RAB6A: variants seen among roughly 807,000 people sequenced by gnomAD.
RAB6A encodes the protein ras-related protein Rab-6A.
A neutral mutation model predicts 32.3 loss-of-function variants in RAB6A; 8 were observed. The observed-to-expected ratio is 0.25, with a 90% confidence interval of 0.15 to 0.45. The LOEUF (loss-of-function observed/expected upper bound fraction) is 0.45, where lower values mean the gene tolerates loss of function less well. Ranked by LOEUF, RAB6A falls within the 20% of genes least tolerant of loss-of-function variation. The pLI, the probability that RAB6A is intolerant of heterozygous loss-of-function variation, is 1.00. For synonymous variants in RAB6A, 73 were observed against 82.1 expected, an observed-to-expected ratio of 0.89 and a Z score of 0.60; for missense variants, 104 against 249.4, an observed-to-expected ratio of 0.42 and a Z score of 3.93.
At position 73,703,378 on chromosome 11, in the gene RAB6A, A is replaced by G. The variant is rs115891970; in HGVS notation, c.495+4042T>C. Among the ~76,000 whole-genome samples the G allele has an allele frequency of 5.3e-3, 813 of 152,330 alleles. 7 individuals are homozygous for G. The highest frequency in any genetic ancestry group is 0.018 in the African/African-American group (741 of 41,570). On this transcript the variant is annotated intron_variant, in intron 6 of 7. Transcript: ENST00000336083. ...AGAATCTGCTAAAAAAAAATAAAGTATATTATCATTCATTCAATGAACATT... is the reference window on the plus strand; with the variant it reads ...AGAATCTGCTAAAAAAAAATAAAGTGTATTATCATTCATTCAATGAACATT...
chr11:73,722,491 G>GC (rs1424507536), intron 2 of RAB6A: 2 of 150,398 alleles, frequency 1.3e-5, no homozygotes, highest in African/African-American at 4.9e-5. Context: ...ATGCCACCAT[G>GC]CCCCACTAAT....
At chr11:73,723,687 G>A (rs1470734989) in intron 2 of RAB6A, among the ~76,000 whole-genome samples, 3 of 151,942 alleles carry the variant, frequency 2.0e-5, no homozygotes, top group Non-Finnish European at 4.4e-5. Flanking sequence ...AGAATCCTGT[G>A]GTAAAAGAAT....
At chr11:73,726,752 A>T in intron 2 of RAB6A, among the ~76,000 whole-genome samples, 1 of 151,214 alleles carries the variant, frequency 6.6e-6, no homozygotes, top group South Asian at 2.1e-4. Flanking sequence ...CCTGTCTTAA[A>T]AAAAAAAAAA....
chr11:73,754,480 T>C (rs936301468), intron 1 of RAB6A, among the ~76,000 whole-genome samples: 9 of 152,228 alleles, frequency 5.9e-5, no homozygotes, highest in African/African-American at 2.2e-4. Flanking sequence ...ATGTGTAATA[T>C]TACAGGATTG....
intron 1 of RAB6A, among the ~76,000 whole-genome samples, chr11:73,750,737 T>C (rs571247711): frequency 3.9e-5 from 6 of 152,362 alleles, no homozygotes; most frequent in Middle Eastern, 6.8e-3. Flanking sequence ...TGTGGATGGA[T>C]ACTTGTTTGC....
chr11:73,705,374 C>G (rs1461485740), intron 6 of RAB6A, among the ~76,000 whole-genome samples: 2 of 152,082 alleles, frequency 1.3e-5, no homozygotes, highest in African/African-American at 4.8e-5. Context: ...AAGGTGAAAC[C>G]CTGTCTTTAC....
chr11:73,753,714 A>T (rs1946703591), intron 1 of RAB6A, among the ~76,000 whole-genome samples: 1 of 151,692 alleles, frequency 6.6e-6, no homozygotes, highest in Non-Finnish European at 1.5e-5. Flanking sequence ...CCGTCTGAAA[A>T]AAAAACAAAA....
intron 1 of RAB6A, among the ~76,000 whole-genome samples, chr11:73,757,378 G>A (rs954314851): frequency 1.3e-5 from 2 of 150,764 alleles, no homozygotes; most frequent in Non-Finnish European, 1.5e-5. Flanking sequence ...CACCATGTTA[G>A]CCAGGCTGGT....
At chr11:73,684,271 C>T (rs1421039719) in intron 6 of RAB6A, among the ~76,000 whole-genome samples, 4 of 150,808 alleles carry the variant, frequency 2.7e-5, no homozygotes, top group East Asian at 2.0e-4. Context: ...CAGGTTCAAG[C>T]GATTCTCCTG....
At chr11:73,748,923 A>AGACC (rs1565379815) in intron 1 of RAB6A, among the ~76,000 whole-genome samples, 10 of 151,876 alleles carry the variant, frequency 6.6e-5, no homozygotes, top group Non-Finnish European at 1.2e-4. Context: ...TAAGGAGTTC[A>AGACC]AGACCAGCCT....
chr11:73,684,765 T>C (rs1945414641), intron 6 of RAB6A, among the ~76,000 whole-genome samples: 1 of 152,094 alleles, frequency 6.6e-6, no homozygotes, highest in East Asian at 1.9e-4. Context: ...CAGGGAAGAG[T>C]TTCCTGAACA....
chr11:73,695,968 C>T (rs1028632506), intron 6 of RAB6A, among the ~76,000 whole-genome samples: 9 of 152,078 alleles, frequency 5.9e-5, no homozygotes, highest in African/African-American at 1.4e-4. Context: ...AAGAGATACA[C>T]TGGAGAAGGA....
chr11:73,683,761 C>T (rs1464681653), intron 6 of RAB6A, among the ~76,000 whole-genome samples: 6 of 152,026 alleles, frequency 3.9e-5, no homozygotes, highest in Non-Finnish European at 8.8e-5. Flanking sequence ...CCATGTTGGC[C>T]GGGCTAGTCT....
intron 6 of RAB6A, among the ~76,000 whole-genome samples, chr11:73,692,545 T>G (rs1945587006): frequency 6.7e-6 from 1 of 149,414 alleles, no homozygotes; most frequent in African/African-American, 2.5e-5. Flanking sequence ...GGAAATCAAT[T>G]TATTCAGTTC....
chr11:73,701,492 A>C (rs1945746424), intron 6 of RAB6A, among the ~76,000 whole-genome samples: 1 of 152,174 alleles, frequency 6.6e-6, no homozygotes, highest in African/African-American at 2.4e-5. Context: ...TTTCACGATA[A>C]TCAGTTTTAT....
intron 6 of RAB6A, among the ~76,000 whole-genome samples, chr11:73,680,618 T>C (rs1426453582): frequency 1.3e-5 from 2 of 151,872 alleles, no homozygotes; most frequent in African/African-American, 2.4e-5. Context: ...CGCCACTGCA[T>C]TCCAGCCTGG....
At chr11:73,684,815 T>C (rs1386916508) in intron 6 of RAB6A, among the ~76,000 whole-genome samples, 1 of 152,214 alleles carries the variant, frequency 6.6e-6, no homozygotes, top group South Asian at 2.1e-4. Flanking sequence ...TACTTAAGAA[T>C]GCTTATGTAG....
At chr11:73,719,702 G>C (rs1946106922) in intron 3 of RAB6A, among the ~76,000 whole-genome samples, 1 of 148,426 alleles carries the variant, frequency 6.7e-6, no homozygotes, top group Non-Finnish European at 1.5e-5. Flanking sequence ...TGCAACCTCT[G>C]CCTCCCGGGT....
chr11:73,680,656 G>A (rs1328946747), intron 6 of RAB6A, among the ~76,000 whole-genome samples: 1 of 152,082 alleles, frequency 6.6e-6, no homozygotes, highest in South Asian at 2.1e-4. Flanking sequence ...CTTCTTGGCG[G>A]GGGTGTGGGG....
Sources: gnomAD v4.1 joint callset for allele counts (sites outside exome capture counted in the v4.1 genomes callset) on GRCh38, gnomAD v4.1.1 for gene constraint, MANE v1.5 for transcripts, NCBI Gene and HGNC (gene_info 2026-07-23, HGNC 2026-07-21) for gene names.